Variants in HRAS observed in about 807,000 individuals in gnomAD.
HRAS encodes the protein HRas proto-oncogene, GTPase.
A neutral mutation model predicts 19.8 loss-of-function variants in HRAS; 11 were observed. The observed-to-expected ratio is 0.55, with a 90% CI of 0.35 to 0.92. The LOEUF is 0.92. Among genes scored for constraint, HRAS ranks in the 40% least tolerant of loss-of-function variants. The pLI is 0.01. For synonymous variants in HRAS, 149 were observed against 105.5 expected (o/e 1.41, Z -2.52); for missense variants, 204 against 255.9 (o/e 0.80, Z 1.38).
chr11:532,619 AGTCCCCCTCACCTGC>A lies in HRAS; in HGVS notation c.*2_*5+11del. 1 of 1,607,464 alleles carries A rather than the reference AGTCCCCCTCACCTGC, an allele frequency of 6.2e-7. No individual in the cohort carries two copies. Among genetic ancestry groups the A allele is most frequent in the Non-Finnish European group, 8.5e-7 (1 of 1,179,286 alleles). On this transcript the variant is annotated splice_donor_variant and splice_donor_5th_base_variant and 3_prime_UTR_variant and intron_variant, in exon 5 of 6. Transcript: ENST00000311189. LOFTEE classifies it low-confidence loss of function (3UTR_SPLICE). ...CGGTGGGCGTGGCGGCCGCCCTGGG[AGTCCCCCTCACCTGC>A]GTCAGGAGAGCACACACTTGCAGCT...
chr11:532,457 T>TTCCTTCCTCC lies in HRAS; in HGVS notation c.*61_*70dup. 1.1e-6 allele frequency: 1 copy of TTCCTTCCTCC among 870,878 alleles called. No homozygotes were observed. Among genetic ancestry groups the TTCCTTCCTCC allele is most frequent in the East Asian group, 2.7e-5 (1 of 37,598 alleles). 53.9% of individuals were successfully genotyped at this position (870,878 alleles called of 1,614,324 possible). On this transcript the variant is annotated 3_prime_UTR_variant, in exon 6 of 6. Transcript: ENST00000311189. ...CTTCCTTCCTTCCTTGCTTCCGTCCTTCCTTCCTCCTCCTTCCGTCTGCAC... is the reference window on the plus strand; with the variant it reads ...CTTCCTTCCTTCCTTGCTTCCGTCCTTCCTTCCTCCTCCTTCCTCCTCCTTCCGTCTGCAC...
chr11:534,409 GC>G, intron 1 of HRAS, 34 bp from the exon 2 acceptor site: 1 of 732,698 alleles, frequency 1.4e-6, no homozygotes, highest in Non-Finnish European at 2.0e-6. Context: ...CCAGGCCCAG[GC>G]CCAGCCCCAG....
chr11:534,384 G>A lies in HRAS; in HGVS notation c.-53-9C>T. ...AGGGTCTCCTGCCCCACCTGCCAAG[G>A]AGGGCCCTGCTCAGCCAGGCCCAGG... On this transcript the variant is annotated splice_polypyrimidine_tract_variant and intron_variant, in intron 1 of 5. Transcript: ENST00000311189. 7.2e-7 allele frequency: 1 copy of A among 1,387,030 alleles called. No homozygotes were observed. Among genetic ancestry groups the A allele is most frequent in the Non-Finnish European group, 1.0e-6 (1 of 992,540 alleles). 85.9% of individuals were successfully genotyped at this position (1,387,030 alleles called of 1,614,324 possible).
Position 532,673 on chromosome 11 carries a change from C to T in HRAS, c.533G>A (p.Gly178Asp). 6.2e-7 allele frequency: 1 copy of T among 1,613,020 alleles called. No individual in the cohort carries two copies. The highest frequency in any genetic ancestry group is 8.5e-7 in the Non-Finnish European group (1 of 1,179,980). Residue 178 changes from glycine (G) to aspartate (D), a missense_variant, in exon 5 of 6, where the codon GGC becomes GAC. Transcript: ENST00000311189. ...ACACTTGCAGCTCATGCAGCCGGGG[C>T]CACTCTCATCAGGAGGGTTCAGCTT... ...LRKLNPPDES[G>D]PGCMSCKCVL...
intron 1 of HRAS, among the ~76,000 whole-genome samples, chr11:534,875 C>G (rs1851363028): frequency 6.6e-6 from 1 of 152,212 alleles, no homozygotes; most frequent in Non-Finnish European, 1.5e-5. Flanking sequence ...CGGGCAGCGC[C>G]CCGCACCCCC....
chr11:532,401 A>C lies in HRAS; in HGVS notation c.*127T>G. On this transcript the variant is annotated 3_prime_UTR_variant, in exon 6 of 6. Transcript: ENST00000311189. ...GGAGGGTCTGCAGTCACCTCGGCCC[A>C]CGGTCCCGGGGTGACTGGGCTCCAG... is the stretch of plus-strand genomic sequence containing the variant. 1.6e-6 allele frequency: 1 copy of C among 617,688 alleles called. No homozygotes were observed. The highest frequency in any genetic ancestry group is 2.8e-6 in the Non-Finnish European group (1 of 353,722). The allele number at this position is 617,688 out of a possible 1,614,324, so 38.3% of individuals were successfully genotyped here. A position where few individuals can be genotyped will look rare whatever the true frequency, so the allele number is the denominator to read the frequency against.
In HRAS at chr11:535,445, AGGGCCG is replaced by A. The variant is rs112488103; in HGVS notation, c.-89_-84del. 0.089 allele frequency: 13,007 copies of A among 146,640 alleles called. 789 individuals are homozygous for A. The highest frequency in any genetic ancestry group is 0.17 in the Admixed American group (2,564 of 14,712). 9.1% of individuals were successfully genotyped at this position (146,640 alleles called of 1,614,324 possible). A position where few individuals can be genotyped will look rare whatever the true frequency, so the allele number is the denominator to read the frequency against. ...CACAGGCGCGACTGCCCCCGGGGCC[AGGGCCG>A]GGGCCGAGGCCGGGGCGGGGCGGGG... On this transcript the variant is annotated 5_prime_UTR_variant, in exon 1 of 6. Transcript: ENST00000311189.
intron 1 of HRAS, among the ~76,000 whole-genome samples, chr11:534,760 C>T (rs1851352392): frequency 2.0e-5 from 3 of 152,218 alleles, no homozygotes; most frequent in Admixed American, 1.3e-4. Context: ...ACGGCGTGCC[C>T]GGGCAGGCTA....
At chr11:533,189 C>G in intron 4 of HRAS, 3 of 1,227,044 alleles carry the variant, frequency 2.4e-6, no homozygotes, top group South Asian at 1.4e-5. Context: ...CCGCCTTCCC[C>G]GGAGCTGTGT....
At position 534,331 on chromosome 11, in the gene HRAS, A is replaced by C; in HGVS notation, c.-9T>G. 6.2e-7 allele frequency: 1 copy of C among 1,608,738 alleles called. No homozygotes were observed. The highest frequency in any genetic ancestry group is 2.2e-5 in the East Asian group (1 of 44,860). On this transcript the variant is annotated 5_prime_UTR_variant, in exon 2 of 6. Coordinates refer to ENST00000311189, the MANE Select transcript of HRAS (RefSeq NM_005343.4). ...AGCTTATATTCCGTCATCGCTCCTC[A>C]GGGGCCTGCGGCCCGGGGTCCTCCT...
chr11:534,641 C>A (rs1233710873), intron 1 of HRAS: 1 of 464,100 alleles, frequency 2.2e-6, no homozygotes, highest in Admixed American at 3.6e-5. Flanking sequence ...GCGCTCTCAA[C>A]CACGCACCCA....
At position 533,446 on chromosome 11, in the gene HRAS, GC is replaced by G. The variant is rs1463855552; in HGVS notation, c.450+6del. On this transcript the variant is annotated splice_donor_region_variant and intron_variant, in intron 4 of 5. Coordinates refer to ENST00000311189, the MANE Select transcript of HRAS (RefSeq NM_005343.4). ...CTGGCTAGCTGTGGGGTGGAGAGCT[GC>G]CTCACCTGCCGGGTCTTGGCCGAGG... 1 of 1,612,604 alleles carries G rather than the reference GC, an allele frequency of 6.2e-7. No homozygotes were observed. Among genetic ancestry groups the G allele is most frequent in the Non-Finnish European group, 8.5e-7 (1 of 1,179,938 alleles).
At position 532,486 on chromosome 11, in the gene HRAS, C is replaced by T; in HGVS notation, c.*42G>A. The T allele has an allele frequency of 9.3e-7, 1 of 1,078,896 alleles. No individual in the cohort carries two copies. Among genetic ancestry groups the T allele is most frequent in the Non-Finnish European group, 1.3e-6 (1 of 749,154 alleles). 66.8% of individuals were successfully genotyped at this position (1,078,896 alleles called of 1,614,324 possible). ...TTCCTCCTCCTTCCGTCTGCACCTC[C>T]TTCCTGCATCCGGCACCTCCATGTC... On this transcript the variant is annotated 3_prime_UTR_variant, in exon 6 of 6. Transcript: ENST00000311189.
Position 534,192 on chromosome 11 carries a change from G to A in HRAS, c.111+20C>T, listed in dbSNP as rs2133993882. On this transcript the variant is annotated intron_variant, in intron 2 of 5. Transcript: ENST00000311189. Reference sequence around the variant, plus strand: ...CGCCCGCAGCAGCTGCTGGCACCTGGACGGCGGCGCCAGGCTCACCTCTAT... The same window carrying A: ...CGCCCGCAGCAGCTGCTGGCACCTGAACGGCGGCGCCAGGCTCACCTCTAT... 6.3e-7 allele frequency: 1 copy of A among 1,580,586 alleles called. No homozygotes were observed. Among genetic ancestry groups the A allele is most frequent in the Non-Finnish European group, 8.7e-7 (1 of 1,150,718 alleles).
chr11:533,404 C>T lies in HRAS; in HGVS notation c.450+49G>A, dbSNP rs568602129. The T allele has an allele frequency of 5.8e-4, 417 of 722,400 alleles. 6 individuals carry two copies. The highest frequency in any genetic ancestry group is 4.1e-3 in the South Asian group (305 of 74,208). The allele number at this position is 722,400 out of a possible 1,614,324, so 44.7% of individuals were successfully genotyped here. ...AGTGAGTGCTGCTCCCTGGCTGGGG[C>T]GGGGCGGGGCGGGTCCCTGGCTAGC... On this transcript the variant is annotated intron_variant, in intron 4 of 5. Coordinates refer to ENST00000311189, the MANE Select transcript of HRAS (RefSeq NM_005343.4).
At chr11:533,976 AGGACCTTCCGTGG>A (rs771756228) in intron 2 of HRAS, 32 bp from the exon 3 acceptor site, 5 of 1,603,462 alleles carry the variant, frequency 3.1e-6, no homozygotes, top group Non-Finnish European at 4.2e-6. Flanking sequence ...GGACCCCCTC[AGGACCTTCCGTGG>A]GGGGAGTTCA....
chr11:534,089 G>A (rs1851302608), intron 2 of HRAS, 123 bp downstream of exon 2: 3 of 1,164,066 alleles, frequency 2.6e-6, no homozygotes, highest in African/African-American at 1.5e-5. Flanking sequence ...TCCTCTAGAG[G>A]AAGCAGGAGA....
At chr11:534,096 G>C in intron 2 of HRAS, 116 bp downstream of exon 2, 2 of 1,169,800 alleles carry the variant, frequency 1.7e-6, no homozygotes, top group Non-Finnish European at 2.5e-6. Context: ...GAGGAAGCAG[G>C]AGACAGGGCC....
At chr11:533,308 CG>C (rs35613389) in intron 4 of HRAS, 144 bp downstream of exon 4, 5 of 1,600,704 alleles carry the variant, frequency 3.1e-6, no homozygotes, top group Non-Finnish European at 8.5e-7. Context: ...ACATGGGTCC[CG>C]GGGGGTCCCA....
Sources: allele counts gnomAD v4.1 joint callset (sites outside exome capture counted in the v4.1 genomes callset), GRCh38; gene constraint gnomAD v4.1.1; transcripts MANE v1.5; gene names NCBI Gene and HGNC (gene_info 2026-07-23, HGNC 2026-07-21).